The following CD209 variants were observed in gnomAD, a reference collection of about 807,000 sequenced individuals.
CD209 encodes the protein CD209 molecule, also known as CD209 antigen.
In CD209, 31 loss-of-function variants were observed where a neutral mutation model predicts 44.7. That is an observed-to-expected ratio of 0.69 (90% CI 0.52 to 0.94). CD209 has a LOEUF of 0.94. Ranked by LOEUF, CD209 falls within the 40% of genes least tolerant of loss-of-function variation. The pLI is 0.00. For synonymous variants in CD209, 173 were observed against 181.3 expected (o/e 0.95, Z 0.37); for missense variants, 407 against 452.4 (o/e 0.90, Z 0.91).
chr19:7,740,759 G>T lies in CD209; in HGVS notation c.*2280C>A, dbSNP rs1599467032. Reference sequence around the variant, plus strand: ...GAAAACGGCAAGAACAAGAGCGAAAGTTAAAGGAACAATGGGAAGAACAGC... The same window carrying T: ...GAAAACGGCAAGAACAAGAGCGAAATTTAAAGGAACAATGGGAAGAACAGC... On this transcript the variant is annotated 3_prime_UTR_variant, in exon 7 of 7. Transcript: ENST00000315599. The T allele has an allele frequency of 1.3e-6, 1 of 761,836 alleles. No individual in the cohort carries two copies. Among genetic ancestry groups the T allele is most frequent in the East Asian group, 2.5e-5 (1 of 40,564 alleles). 47.2% of individuals were successfully genotyped at this position (761,836 alleles called of 1,614,324 possible).
In CD209 at chr19:7,744,271, C is replaced by T. The variant is rs911647301; in HGVS notation, c.901-52G>A. The T allele has an allele frequency of 5.3e-6, 7 of 1,331,222 alleles. No homozygotes were observed. The African/African-American group carries it at 5.8e-5, about 11-fold the overall frequency. 82.5% of individuals were successfully genotyped at this position (1,331,222 alleles called of 1,614,324 possible). On this transcript the variant is annotated intron_variant, in intron 5 of 6. Transcript: ENST00000315599. ...GGAGCTCTGCTTCCCATTTTCCAGG[C>T]TCTGTCTCCCCATCTCTTGGTAGGA... is the stretch of plus-strand genomic sequence containing the variant.
Position 7,741,256 on chromosome 19 carries a change from G to A in CD209, c.*1783C>T, listed in dbSNP as rs1257783103. The A allele has an allele frequency of 2.1e-6, 1 of 478,264 alleles. No individual in the cohort carries two copies. The highest frequency in any genetic ancestry group is 3.8e-6 in the Non-Finnish European group (1 of 261,488). 29.6% of individuals were successfully genotyped at this position (478,264 alleles called of 1,614,324 possible). Reference sequence around the variant, plus strand: ...GGAGGACGCGGCGGGCGAATCACGAGGTCAAGAGATCGAGACCATCCTGGT... The same window carrying A: ...GGAGGACGCGGCGGGCGAATCACGAAGTCAAGAGATCGAGACCATCCTGGT... On this transcript the variant is annotated 3_prime_UTR_variant, in exon 7 of 7. Coordinates refer to ENST00000315599, the MANE Select transcript of CD209 (RefSeq NM_021155.4).
At chr19:7,743,392 G>T (rs1021321512) in intron 6 of CD209, 152 bp from the exon 7 acceptor site, 1 of 709,170 alleles carries the variant, frequency 1.4e-6, no homozygotes, top group Non-Finnish European at 2.5e-6. Context: ...CCTGACTCAC[G>T]ATGCCTTGAG....
chr19:7,746,159 T>C (rs1399326829), intron 3 of CD209, 72 bp from the exon 4 acceptor site: 3 of 1,581,976 alleles, frequency 1.9e-6, no homozygotes, highest in Non-Finnish European at 2.6e-6. Context: ...CTGAGCCCCA[T>C]AGGGACATCA....
intron 4 of CD209, 36 bp downstream of exon 4, chr19:7,745,482 T>A: frequency 6.2e-7 from 1 of 1,612,122 alleles, no homozygotes; most frequent in Non-Finnish European, 8.5e-7. Flanking sequence ...ACAACGACCA[T>A]CTCAGGCCCA....
At chr19:7,744,773 T>C (rs1302307926) in intron 5 of CD209, among the ~76,000 whole-genome samples, 168 bp downstream of exon 5, 1 of 152,188 alleles carries the variant, frequency 6.6e-6, no homozygotes, top group African/African-American at 2.4e-5. Flanking sequence ...TCAGATTTGG[T>C]TTGTATCTGC....
rs950850229 is a variant in CD209, at chr19:7,745,728, C to G, written c.538G>C (p.Val180Leu). The G allele has an allele frequency of 1.2e-6, 2 of 1,601,688 alleles. No homozygotes were observed. The highest frequency in any genetic ancestry group is 1.7e-5 in the Admixed American group (1 of 59,894). Residue 180 changes from valine (V) to leucine (L), a missense_variant, in exon 4 of 7, where the codon GTG becomes CTG. By Grantham distance (32) the Val-to-Leu change is conservative. Coordinates refer to ENST00000315599, the MANE Select transcript of CD209 (RefSeq NM_021155.4). ...TTAGATTTCTCTGGAAGCTCACCCA[C>G]TGCAGCCTTCAGCCGAGTCAGCTCC... ...YQELTRLKAA[V>L]GELPEKSKQQ...
chr19:7,745,195 G>T, intron 4 of CD209, 103 bp from the exon 5 acceptor site: 1 of 1,447,554 alleles, frequency 6.9e-7, no homozygotes, highest in Non-Finnish European at 9.5e-7. Context: ...TTCCTTGACT[G>T]TCCACGCCGG....
At position 7,744,179 on chromosome 19, in the gene CD209, G is replaced by A. The variant is rs374967274; in HGVS notation, c.941C>T (p.Thr314Ile). 2.2e-5 allele frequency: 35 copies of A among 1,614,164 alleles called. No homozygotes were observed. The East Asian group carries it at 4.9e-4, about 23-fold the overall frequency. ...QLQSSRSNRF[T>I]WMGLSDLNQE... is the part of the protein sequence containing the mutation. ...ATTTAGATCTGAAAGTCCCATCCAG[G>A]TGAAGCGGTTACTTCTGGAAGACTG... is the stretch of plus-strand genomic sequence containing the variant. The change falls in exon 6 of 7, where the codon ACC becomes ATC. Residue 314 changes from threonine (T) to isoleucine (I), a missense_variant. Around this residue, in one of 3 missense-constraint regions of CD209, gnomAD observed 200 missense variants for 202.2 expected, o/e 0.99. Coordinates refer to ENST00000315599, the MANE Select transcript of CD209 (RefSeq NM_021155.4).
chr19:7,745,460 A>G, intron 4 of CD209, 58 bp downstream of exon 4: 1 of 1,611,704 alleles, frequency 6.2e-7, no homozygotes, highest in South Asian at 1.1e-5. Context: ...GACTCAAGCA[A>G]ACTCACACCA....
At position 7,747,455 on chromosome 19, in the gene CD209, C is replaced by A. The variant is rs751880063; in HGVS notation, c.46+11G>T. The stretch of plus-strand genomic sequence containing the variant: ...CCTTCCCAGAATCCCAGCGTCCCAA[C>A]CCAGCCTCACCCAGGAGGCCCAGCT... On this transcript the variant is annotated intron_variant, in intron 1 of 6. Transcript: ENST00000315599. The A allele has an allele frequency of 6.2e-6, 10 of 1,614,244 alleles. No individual in the cohort carries two copies. The highest frequency in any genetic ancestry group is 6.8e-6 in the Non-Finnish European group (8 of 1,180,042).
chr19:7,745,197 C>G, intron 4 of CD209, 105 bp from the exon 5 acceptor site: 2 of 1,454,816 alleles, frequency 1.4e-6, no homozygotes, highest in Non-Finnish European at 9.4e-7. Flanking sequence ...CCTTGACTGT[C>G]CACGCCGGGT....
Position 7,740,789 on chromosome 19 carries a change from GAA to G in CD209, c.*2248_*2249del, listed in dbSNP as rs1249776511. On this transcript the variant is annotated 3_prime_UTR_variant, in exon 7 of 7. Coordinates refer to ENST00000315599, the MANE Select transcript of CD209 (RefSeq NM_021155.4). ...AGGAACAATGGGAAGAACAGCAGAG[GAA>G]AGAGAGAGAGGAGGAGGAACAGAAA... 2.6e-6 allele frequency: 2 copies of G among 759,486 alleles called. No homozygotes were observed. Among genetic ancestry groups the G allele is most frequent in the African/African-American group, 1.7e-5 (1 of 58,182 alleles). The allele number at this position is 759,486 out of a possible 1,614,324, so 47.0% of individuals were successfully genotyped here.
chr19:7,744,729 A>G (rs1192685510), intron 5 of CD209, among the ~76,000 whole-genome samples: 2 of 152,166 alleles, frequency 1.3e-5, no homozygotes, highest in East Asian at 3.9e-4. Context: ...GTTTGCTTAC[A>G]TTTGATGTTT....
chr19:7,745,637 G>A lies in CD209; in HGVS notation c.629C>T (p.Ser210Phe), dbSNP rs558880959. The change falls in exon 4 of 7, where the codon TCT becomes TTT. Residue 210 changes from serine (S) to phenylalanine (F), a missense_variant. Physicochemically the swap from Ser to Phe is radical, Grantham distance 155. Transcript: ENST00000315599. The stretch of plus-strand genomic sequence containing the variant: ...CTCCTGGTAGATCTCCTGCTGCTTA[G>A]ATTTCTCTGGAAGCTCACCCACTGC... The part of the protein sequence containing the change: ...KAAVGELPEK[S>F]KQQEIYQELT... The A allele has an allele frequency of 4.8e-5, 30 of 623,348 alleles. No homozygotes were observed. In the East Asian group the frequency reaches 7.3e-4, roughly 15 times the overall value. 38.6% of individuals were successfully genotyped at this position (623,348 alleles called of 1,614,324 possible).
intron 6 of CD209, 47 bp from the exon 7 acceptor site, chr19:7,743,287 T>A (rs375340194): frequency 6.6e-7 from 1 of 1,519,626 alleles, no homozygotes. Context: ...GCCAGCTACA[T>A]GAGCTGTGTT....
rs759493413 is a variant in CD209, at chr19:7,744,139, C to T, written c.981G>A (p.Trp327Ter). Residue 327 changes from tryptophan (W) to a stop codon, truncating the protein, a stop_gained, in exon 6 of 7, where the codon TGG becomes TGA. Transcript: ENST00000315599. LOFTEE classifies it low-confidence loss of function (END_TRUNC). ...GLSDLNQEGTWQWVDGSPLLP... is the reference protein window; with the variant it reads ...GLSDLNQEGT ...ACAGAGGTGAGCCGTCCACCCATTG[C>T]CACGTGCCTTCCTGATTTAGATCTG... The T allele has an allele frequency of 2.5e-6, 4 of 1,614,034 alleles. No individual in the cohort carries two copies. Among genetic ancestry groups the T allele is most frequent in the African/African-American group, 2.7e-5 (2 of 74,928 alleles).
chr19:7,747,064 G>GA (rs1229939032), intron 2 of CD209, among the ~76,000 whole-genome samples: 2 of 150,430 alleles, frequency 1.3e-5, no homozygotes, highest in Non-Finnish European at 3.0e-5. Flanking sequence ...ACCTCCCCAG[G>GA]ACCCAGGAAC....
In CD209 at chr19:7,745,149, C is replaced by T. The variant is rs11465383; in HGVS notation, c.749-57G>A. 9,954 of 1,599,034 alleles carry T rather than the reference C, an allele frequency of 6.2e-3. 518 individuals carry two copies. The African/African-American group carries it at 0.12, about 19-fold the overall frequency. ...AGATTAGGTTGTCCATATTCCTGTA[C>T]CTGCCCAGCCTTCAAGGTCTTGAGA... On this transcript the variant is annotated intron_variant, in intron 4 of 6. Coordinates refer to ENST00000315599, the MANE Select transcript of CD209 (RefSeq NM_021155.4).
Sources: gnomAD v4.1 joint callset for allele counts (sites outside exome capture counted in the v4.1 genomes callset) on GRCh38, gnomAD v4.1.1 for gene constraint, gnomAD v4.1.1 regional missense constraint, MANE v1.5 for transcripts, NCBI Gene and HGNC (gene_info 2026-07-23, HGNC 2026-07-21) for gene names.